Variants in SLC25A53 observed in about 807,000 individuals in gnomAD.
The protein encoded by SLC25A53 is mitochondrial carrier triple repeat protein 6.
Under a neutral mutation model 15.0 loss-of-function variants are expected in SLC25A53, and 5 were observed. That is an observed-to-expected ratio of 0.33 (90% CI 0.17 to 0.70). The LOEUF (loss-of-function observed/expected upper bound fraction) is 0.70, where lower values mean the gene tolerates loss of function less well. Among genes scored for constraint, SLC25A53 ranks in the 30% least tolerant of loss-of-function variants. SLC25A53 has a pLI of 0.67. For synonymous variants in SLC25A53, 95 were observed against 100.0 expected (o/e 0.95, Z 0.30); for missense variants, 216 against 241.6 (o/e 0.89, Z 0.70).
intron 1 of SLC25A53, among the ~76,000 whole-genome samples, chrX:104,138,150 T>C (rs1419695711): frequency 8.9e-6 from 1 of 111,825 alleles, no homozygotes; most frequent in Non-Finnish European, 1.9e-5. Context: ...GGTTCACGCC[T>C]GTAATCCCAG....
At position 104,105,102 on chromosome X, in the gene SLC25A53, C is replaced by G; in HGVS notation, c.156G>C (p.Val52=). The G allele has an allele frequency of 8.2e-7, 1 of 1,212,273 alleles. No individual in the cohort carries two copies. The highest frequency in any genetic ancestry group is 1.1e-6 in the Non-Finnish European group (1 of 895,645). ...TFLTFPIYKV[V]FRQQIHAMAV... ...CCATGGCATGGATCTGTTGCCGGAA[C>G]ACAACCTTATAGATAGGAAAGGTCA... is the stretch of plus-strand genomic sequence containing the variant. The change falls in exon 2 of 2, where the codon GTG becomes GTC. Residue 52 remains valine, a synonymous_variant. Transcript: ENST00000594199.
intron 1 of SLC25A53, among the ~76,000 whole-genome samples, chrX:104,118,550 A>G (rs2075384628): frequency 8.9e-6 from 1 of 112,789 alleles, no homozygotes; most frequent in South Asian, 3.6e-4. Context: ...TTTCATAGCA[A>G]CTCCCTTAAG....
chrX:104,127,375 C>T (rs2075413731), intron 1 of SLC25A53, among the ~76,000 whole-genome samples: 1 of 111,593 alleles, frequency 9.0e-6, no homozygotes, highest in Non-Finnish European at 1.9e-5. Context: ...GAAGGGGAAG[C>T]ACAAGGGAGG....
chrX:104,150,004 G>A (rs190833598), intron 1 of SLC25A53, among the ~76,000 whole-genome samples: 7 of 110,274 alleles, frequency 6.3e-5, no homozygotes, highest in East Asian at 5.7e-4. Flanking sequence ...AGTCCGAGGC[G>A]GGAGGATCAC....
At chrX:104,133,490 C>T (rs2075430143) in intron 1 of SLC25A53, among the ~76,000 whole-genome samples, 1 of 111,091 alleles carries the variant, frequency 9.0e-6, no homozygotes, top group Non-Finnish European at 1.9e-5. Context: ...ACAGCACCCA[C>T]CGACACTGTC....
chrX:104,129,036 T>A (rs1390602865), intron 1 of SLC25A53, among the ~76,000 whole-genome samples: 2 of 111,900 alleles, frequency 1.8e-5, no homozygotes, highest in African/African-American at 6.5e-5. Context: ...ATGCAGTATT[T>A]TATAGTAAAA....
intron 1 of SLC25A53, among the ~76,000 whole-genome samples, chrX:104,127,761 C>T (rs948247971): frequency 3.6e-5 from 4 of 111,303 alleles, no homozygotes; most frequent in African/African-American, 9.8e-5. Context: ...GTCAGGAGTT[C>T]GAGACCAGCC....
At chrX:104,152,560 C>T (rs904005988) in intron 1 of SLC25A53, among the ~76,000 whole-genome samples, 13 of 110,808 alleles carry the variant, frequency 1.2e-4, no homozygotes, top group Non-Finnish European at 2.5e-4. Context: ...GCCTCAGCCT[C>T]CTGAGTACCT....
At chrX:104,120,159 A>G (rs1556362407) in intron 1 of SLC25A53, among the ~76,000 whole-genome samples, 3 of 112,008 alleles carry the variant, frequency 2.7e-5, no homozygotes, top group African/African-American at 9.8e-5. Flanking sequence ...GGGGACAATT[A>G]TGAAAAATGT....
At chrX:104,114,307 A>G (rs1556360366) in intron 1 of SLC25A53, 1 of 1,211,320 alleles carries the variant, frequency 8.3e-7, no homozygotes, top group South Asian at 1.8e-5. Context: ...AAACTGGCTG[A>G]TCCAAGTCAA....
chrX:104,135,990 G>A (rs2075435670), intron 1 of SLC25A53, among the ~76,000 whole-genome samples: 1 of 111,109 alleles, frequency 9.0e-6, no homozygotes, highest in Admixed American at 9.7e-5. Flanking sequence ...CCTAATCTTT[G>A]TATCTCCAAT....
chrX:104,114,510 A>AT (rs1226090784), intron 1 of SLC25A53: 1 of 1,209,251 alleles, frequency 8.3e-7, no homozygotes, highest in Non-Finnish European at 1.1e-6. Flanking sequence ...CCCATGGTAA[A>AT]TTTTTTAACA....
chrX:104,109,447 T>G (rs782191292), intron 1 of SLC25A53, among the ~76,000 whole-genome samples: 6 of 112,450 alleles, frequency 5.3e-5, no homozygotes, highest in Non-Finnish European at 9.4e-5. Context: ...GTATGGAAAG[T>G]GCTTAGCACA....
chrX:104,136,975 AATT>A (rs782207176), intron 1 of SLC25A53, among the ~76,000 whole-genome samples: 7 of 111,734 alleles, frequency 6.3e-5, no homozygotes, highest in Admixed American at 9.5e-5. Flanking sequence ...ACTATAAAAT[AATT>A]ATTATAATAT....
At position 104,102,206 on chromosome X, in the gene SLC25A53, T is replaced by C. The variant is rs1261888798; in HGVS notation, c.*2128A>G. 1 of 112,347 alleles carries C rather than the reference T, an allele frequency of 8.9e-6. No homozygotes were observed. The highest frequency in any genetic ancestry group is 2.8e-4 in the East Asian group (1 of 3,608). The allele number at this position is 112,347 out of a possible 1,213,427, so 9.3% of individuals were successfully genotyped here. A position where few individuals can be genotyped will look rare whatever the true frequency, so the allele number is the denominator to read the frequency against. On this transcript the variant is annotated 3_prime_UTR_variant, in exon 2 of 2. Transcript: ENST00000594199. ...GCATTCAGTGAGAAGTTCTCACTGC[T>C]AAATCTACAACCAAGTAAGACAAAT...
At chrX:104,152,799 A>G (rs1216368065) in intron 1 of SLC25A53, among the ~76,000 whole-genome samples, 2 of 111,877 alleles carry the variant, frequency 1.8e-5, no homozygotes, top group East Asian at 2.8e-4. Flanking sequence ...TGGCCCCTAC[A>G]AAGACTCACA....
chrX:104,140,507 C>T lies in SLC25A53; in HGVS notation c.-32+16371G>A, dbSNP rs190802947. Among the ~76,000 whole-genome samples the T allele has an allele frequency of 9.7e-4, 108 of 111,396 alleles. 1 individual carries two copies. The highest frequency in any genetic ancestry group is 1.7e-3 in the Non-Finnish European group (89 of 53,157). ...TTTCTTCAACTAATCACCTCTTGCT[C>T]ACTCTGTAGAACTAGGTTAAAACTC... On this transcript the variant is annotated intron_variant, in intron 1 of 1. Coordinates refer to ENST00000594199, the MANE Select transcript of SLC25A53 (RefSeq NM_001012755.5).
intron 1 of SLC25A53, among the ~76,000 whole-genome samples, chrX:104,146,875 G>T (rs1478420511): frequency 9.0e-6 from 1 of 111,032 alleles, no homozygotes; most frequent in African/African-American, 3.3e-5. Context: ...TGGCCATACA[G>T]CCCAAGGTAA....
chrX:104,138,253 A>AT, intron 1 of SLC25A53, among the ~76,000 whole-genome samples: 1 of 111,574 alleles, frequency 9.0e-6, no homozygotes, highest in Middle Eastern at 4.6e-3. Flanking sequence ...CAAAAAAAAA[A>AT]CAAAATTTAG....
Sources: gnomAD v4.1 joint callset for allele counts (sites outside exome capture counted in the v4.1 genomes callset) on GRCh38, gnomAD v4.1.1 for gene constraint, MANE v1.5 for transcripts, NCBI Gene and HGNC (gene_info 2026-07-23, HGNC 2026-07-21) for gene names.